The following ERBIN variants were observed in gnomAD, a reference collection of about 807,000 sequenced individuals.
The protein encoded by ERBIN is densin-180-like protein.
Under a neutral mutation model 158.4 loss-of-function variants are expected in ERBIN, and 60 were observed. The ratio of observed to expected loss-of-function variants is 0.38; its 90% confidence interval spans 0.31 to 0.47. The LOEUF (loss-of-function observed/expected upper bound fraction) is 0.47, where lower values mean the gene tolerates loss of function less well. Ranked by LOEUF, ERBIN falls within the 20% of genes least tolerant of loss-of-function variation. ERBIN has a pLI of 0.99. For synonymous variants in ERBIN, 594 were observed against 557.2 expected (o/e 1.07, Z -0.93); for missense variants, 1,610 against 1,648.0 (o/e 0.98, Z 0.40).
At chr5:66,012,006 C>G (rs1215110433) in intron 4 of ERBIN, 43 bp from the exon 5 acceptor site, 4 of 1,279,926 alleles carry the variant, frequency 3.1e-6, no homozygotes. Context: ...TTATTTTGTC[C>G]TTTGTAATAG....
chr5:65,933,825 A>C (rs967689225), intron 1 of ERBIN, among the ~76,000 whole-genome samples: 1 of 152,208 alleles, frequency 6.6e-6, no homozygotes, highest in African/African-American at 2.4e-5. Flanking sequence ...AATGACTGAC[A>C]TATGGAAAAG....
Position 66,051,894 on chromosome 5 carries a change from CAAAAA to C in ERBIN, c.2087+938_2087+942del, listed in dbSNP as rs35074022. Among the ~76,000 whole-genome samples, 33 of 138,814 alleles carry C rather than the reference CAAAAA, an allele frequency of 2.4e-4. No homozygotes were observed. In the East Asian group the frequency reaches 5.3e-3, roughly 22 times the overall value. The allele number at this position is 138,814 out of a possible 152,430, so 91.1% of individuals were successfully genotyped here. On this transcript the variant is annotated intron_variant, in intron 20 of 25. Coordinates refer to ENST00000284037, the MANE Select transcript of ERBIN (RefSeq NM_001253697.2). ...TGGGTGACAGAGCTAGGCCTTGTCT[CAAAAA>C]AAAAAAAAAGAGACAGATTGGGGTT...
At position 66,013,635 on chromosome 5, in the gene ERBIN, G is replaced by A. The variant is rs754857498; in HGVS notation, c.473G>A (p.Gly158Asp). 1 of 1,609,064 alleles carries A rather than the reference G, an allele frequency of 6.2e-7. No homozygotes were observed. The highest frequency in any genetic ancestry group is 1.1e-5 in the South Asian group (1 of 90,920). Residue 158 changes from glycine to aspartate, a missense_variant, in exon 6 of 26, where the codon GGC (glycine) becomes GAC (aspartate). By Grantham distance (94) the Gly-to-Asp change is moderately conservative. Transcript: ENST00000284037. The part of the protein sequence containing the change: ...AFLEFLPANF[G>D]RLTKLQILEL... ...CTTGAGTTCTTGCCAGCAAATTTTG[G>A]CAGGTAAATTATGGTTTCTTCTAAA...
intron 4 of ERBIN, 111 bp downstream of exon 4, chr5:65,994,975 T>C: frequency 5.9e-6 from 4 of 679,488 alleles, no homozygotes; most frequent in Non-Finnish European, 1.0e-5. Context: ...ATCTAATGTA[T>C]TAATATGAAC....
intron 18 of ERBIN, 66 bp downstream of exon 18, chr5:66,046,604 A>T (rs1758473574): frequency 7.9e-7 from 1 of 1,273,856 alleles, no homozygotes. Context: ...ATTGTTGCTA[A>T]ATAAAGACCT....
At chr5:66,046,583 T>A in intron 18 of ERBIN, 45 bp downstream of exon 18, 1 of 1,397,694 alleles carries the variant, frequency 7.2e-7, no homozygotes, top group East Asian at 2.3e-5. Context: ...GAACTTTCAA[T>A]TTAATATTTT....
chr5:65,982,826 C>T (rs1033605458), intron 1 of ERBIN, among the ~76,000 whole-genome samples: 1 of 152,112 alleles, frequency 6.6e-6, no homozygotes, highest in Non-Finnish European at 1.5e-5. Flanking sequence ...CATATATTTA[C>T]CTATGAGAAC....
At chr5:66,023,132 A>T (rs1410775312) in intron 8 of ERBIN, 158 bp from the exon 9 acceptor site, 1 of 596,526 alleles carries the variant, frequency 1.7e-6, no homozygotes, top group Non-Finnish European at 2.9e-6. Context: ...AAAGGCTTAC[A>T]TCCTGGCTCT....
At chr5:65,987,691 A>G (rs1376593414) in intron 1 of ERBIN, among the ~76,000 whole-genome samples, 1 of 152,116 alleles carries the variant, frequency 6.6e-6, no homozygotes, top group Non-Finnish European at 1.5e-5. Flanking sequence ...CGTCTCTCTA[A>G]AGAGTTAGCC....
chr5:65,958,393 C>T (rs1197972180), intron 1 of ERBIN, among the ~76,000 whole-genome samples: 1 of 152,236 alleles, frequency 6.6e-6, no homozygotes, highest in East Asian at 1.9e-4. Flanking sequence ...CGGAGGCTGG[C>T]AGATCACTCG....
intron 21 of ERBIN, among the ~76,000 whole-genome samples, chr5:66,058,384 T>C (rs1243612552): frequency 2.0e-5 from 3 of 152,072 alleles, no homozygotes; most frequent in Non-Finnish European, 4.4e-5. Context: ...TTTGATGGGG[T>C]TGTTTTTTTC....
intron 14 of ERBIN, among the ~76,000 whole-genome samples, chr5:66,030,981 C>G (rs994023738): frequency 2.6e-5 from 4 of 152,164 alleles, no homozygotes; most frequent in Non-Finnish European, 1.5e-5. Context: ...ATAGTGTTCT[C>G]TCATTCTATT....
chr5:65,990,909 C>T (rs1192838673), intron 2 of ERBIN, among the ~76,000 whole-genome samples: 4 of 151,756 alleles, frequency 2.6e-5, no homozygotes, highest in Admixed American at 2.0e-4. Context: ...TACAGGCACC[C>T]GCCACCACGC....
At chr5:66,032,155 A>G (rs1756954852) in intron 14 of ERBIN, among the ~76,000 whole-genome samples, 2 of 151,514 alleles carry the variant, frequency 1.3e-5, no homozygotes. Flanking sequence ...TGAGACGGAA[A>G]AGGTAGAAAA....
At position 66,050,986 on chromosome 5, in the gene ERBIN, A is replaced by G. The variant is rs773785652; in HGVS notation, c.2087+20A>G. ...AATCAGGTGTGTGAACCTCTTTTAC[A>G]GTTTTTTATTTATACAATAAATAGA... On this transcript the variant is annotated intron_variant, in intron 20 of 25. Coordinates refer to ENST00000284037, the MANE Select transcript of ERBIN (RefSeq NM_001253697.2). The G allele has an allele frequency of 7.2e-6, 11 of 1,527,758 alleles. No homozygotes were observed. Among genetic ancestry groups the G allele is most frequent in the East Asian group, 2.3e-5 (1 of 43,332 alleles). 94.6% of individuals were successfully genotyped at this position (1,527,758 alleles called of 1,614,324 possible).
At chr5:66,067,436 C>G (rs1198347110) in intron 21 of ERBIN, among the ~76,000 whole-genome samples, 2 of 152,176 alleles carry the variant, frequency 1.3e-5, no homozygotes, top group Non-Finnish European at 2.9e-5. Context: ...CCATTAAGCC[C>G]TCAGCACTCA....
intron 1 of ERBIN, among the ~76,000 whole-genome samples, chr5:65,977,094 C>T (rs1374707517): frequency 3.4e-5 from 5 of 149,030 alleles, no homozygotes; most frequent in East Asian, 4.1e-4. Flanking sequence ...TAGGGGCGGC[C>T]GGGCAGAGGC....
At chr5:65,987,461 C>A (rs1751387731) in intron 1 of ERBIN, among the ~76,000 whole-genome samples, 1 of 151,728 alleles carries the variant, frequency 6.6e-6, no homozygotes, top group African/African-American at 2.4e-5. Context: ...ACTCAAGAGG[C>A]TAAGGCAGGA....
At chr5:66,070,817 C>T (rs37018) in intron 21 of ERBIN, among the ~76,000 whole-genome samples, 26,807 of 152,046 alleles carry the variant, frequency 0.18, 2,918 homozygotes, top group East Asian at 0.46. Flanking sequence ...AGATTAAATT[C>T]GAAATCCTTA....
Sources: gnomAD v4.1 joint callset for allele counts (sites outside exome capture counted in the v4.1 genomes callset) on GRCh38, gnomAD v4.1.1 for gene constraint, MANE v1.5 for transcripts, NCBI Gene and HGNC (gene_info 2026-07-23, HGNC 2026-07-21) for gene names.